The following NEMP2 variants were observed in gnomAD, a reference collection of about 807,000 sequenced individuals.
NEMP2 encodes nuclear envelope integral membrane protein 2, also known as UPF0571 transmembrane protein.
In NEMP2, 53 loss-of-function variants were observed where a neutral mutation model predicts 54.2. That is an observed-to-expected ratio of 0.98 (90% confidence interval 0.78 to 1.23). NEMP2 has a LOEUF of 1.23. Ranked by LOEUF, NEMP2 falls within the 50% of genes most tolerant of loss-of-function variation. NEMP2 has a pLI of 0.00. For synonymous variants in NEMP2, 197 were observed against 190.3 expected (o/e 1.04, Z -0.29); for missense variants, 455 against 511.3 (o/e 0.89, Z 1.06).
chr2:190,633,650 A>G, the NEMP2 span, among the ~76,000 whole-genome samples: 5 of 152,162 alleles, frequency 3.3e-5, no homozygotes, highest in African/African-American at 9.7e-5. Context: ...CAACTGGTAC[A>G]ATGCCTTCCT....
At chr2:190,502,947 T>C (rs1690085794), downstream of NEMP2, among the ~76,000 whole-genome samples, 1 of 152,192 alleles carries the variant, frequency 6.6e-6, no homozygotes, top group South Asian at 2.1e-4. This position sits in a 1 kb window ranked among gnomAD's most constrained non-coding sequence, Gnocchi z 4.4. Flanking sequence ...CAAATCTTCC[T>C]AATGTCAAAG....
At chr2:190,464,879 T>C in the NEMP2 span, 455 of 978,902 alleles carry the variant, frequency 4.6e-4, no homozygotes, top group Middle Eastern at 5.2e-4. Context: ...GCAAAATTTA[T>C]GTTCACTGTG....
At chr2:190,585,173 A>G in the NEMP2 span, among the ~76,000 whole-genome samples, 4 of 152,242 alleles carry the variant, frequency 2.6e-5, no homozygotes, top group Non-Finnish European at 2.9e-5. The surrounding 1 kb of genome is among the most constrained non-coding windows in gnomAD (Gnocchi z 5.3). Context: ...CTAGCAGCTC[A>G]TATGAATCTA....
chr2:190,439,295 A>G, the NEMP2 span, among the ~76,000 whole-genome samples: 1 of 152,166 alleles, frequency 6.6e-6, no homozygotes, highest in Non-Finnish European at 1.5e-5. This position sits in a 1 kb window ranked among gnomAD's most constrained non-coding sequence, Gnocchi z 5.8. Context: ...TAATAAGTCA[A>G]TAGCATGAGT....
chr2:190,546,974 C>T, the NEMP2 span, among the ~76,000 whole-genome samples: 2 of 152,154 alleles, frequency 1.3e-5, no homozygotes, highest in African/African-American at 2.4e-5. The surrounding 1 kb of genome is among the most constrained non-coding windows in gnomAD (Gnocchi z 5.1). Context: ...TGAAAAAGGC[C>T]GTCCTTGCTG....
chr2:190,595,222 C>T, the NEMP2 span, among the ~76,000 whole-genome samples: 19 of 151,940 alleles, frequency 1.3e-4, no homozygotes, highest in East Asian at 2.7e-3. This position sits in a 1 kb window ranked among gnomAD's most constrained non-coding sequence, Gnocchi z 4.0. Flanking sequence ...TGAAAATGGA[C>T]CCCTTCCTTA....
chr2:190,422,781 C>T, the NEMP2 span, among the ~76,000 whole-genome samples: 1 of 152,136 alleles, frequency 6.6e-6, no homozygotes, highest in African/African-American at 2.4e-5. Context: ...TTAAAGTTTT[C>T]TTCCCTTAAT....
chr2:190,511,759 T>C (rs1690374648), intron 7 of NEMP2, among the ~76,000 whole-genome samples: 1 of 151,174 alleles, frequency 6.6e-6, no homozygotes, highest in Admixed American at 6.6e-5. Context: ...TTTCACCATG[T>C]TGGTCAGGCT....
At chr2:190,431,095 A>G in the NEMP2 span, among the ~76,000 whole-genome samples, 1 of 143,204 alleles carries the variant, frequency 7.0e-6, no homozygotes, top group Non-Finnish European at 1.5e-5. The surrounding 1 kb of genome is among the most constrained non-coding windows in gnomAD (Gnocchi z 4.4). Context: ...GGCGCTCCTC[A>G]CATCCCAGAC....
chr2:190,474,738 C>G, the NEMP2 span, among the ~76,000 whole-genome samples: 37 of 152,298 alleles, frequency 2.4e-4, no homozygotes, highest in African/African-American at 8.4e-4. Context: ...CATCCTGATA[C>G]CAAAGCCTGG....
chr2:190,429,227 CGTGTGTGTGT>C, the NEMP2 span, among the ~76,000 whole-genome samples: 1 of 148,812 alleles, frequency 6.7e-6, no homozygotes, highest in Non-Finnish European at 1.5e-5. Context: ...TCTTTTGTTA[CGTGTGTGTGT>C]GTGTGTGTGT....
At chr2:190,588,615 G>A in the NEMP2 span, among the ~76,000 whole-genome samples, 1 of 152,156 alleles carries the variant, frequency 6.6e-6, no homozygotes, top group African/African-American at 2.4e-5. This position sits in a 1 kb window ranked among gnomAD's most constrained non-coding sequence, Gnocchi z 5.0. Context: ...TGACCTTGTG[G>A]ATGGGGTCCT....
chr2:190,566,416 T>A, the NEMP2 span, among the ~76,000 whole-genome samples: 1 of 152,066 alleles, frequency 6.6e-6, no homozygotes, highest in Admixed American at 6.6e-5. Context: ...CCCAGGAGTT[T>A]GAGACCAGCC....
chr2:190,499,272 T>C, the NEMP2 span, among the ~76,000 whole-genome samples: 164 of 152,358 alleles, frequency 1.1e-3, 1 homozygote, highest in African/African-American at 3.8e-3. The surrounding 1 kb of genome is among the most constrained non-coding windows in gnomAD (Gnocchi z 6.0). Context: ...TTTTCTTTCA[T>C]TGTAGAATCA....
chr2:190,477,414 A>G, the NEMP2 span: 1 of 931,538 alleles, frequency 1.1e-6, no homozygotes, highest in Non-Finnish European at 1.3e-6. Flanking sequence ...TATATATTAT[A>G]ATAATACATG....
At chr2:190,587,121 C>T in the NEMP2 span, among the ~76,000 whole-genome samples, 6 of 152,148 alleles carry the variant, frequency 3.9e-5, no homozygotes, top group African/African-American at 1.2e-4. This position sits in a 1 kb window ranked among gnomAD's most constrained non-coding sequence, Gnocchi z 5.4. Flanking sequence ...CTGTCCTGAT[C>T]GAGACACTTT....
chr2:190,475,062 T>C, the NEMP2 span, among the ~76,000 whole-genome samples: 1 of 152,094 alleles, frequency 6.6e-6, no homozygotes, highest in South Asian at 2.1e-4. Context: ...ATGGGACATA[T>C]CTCAAAATAA....
At chr2:190,621,823 T>C in the NEMP2 span, among the ~76,000 whole-genome samples, 1 of 152,162 alleles carries the variant, frequency 6.6e-6, no homozygotes, top group East Asian at 1.9e-4. Context: ...TAAATACTTC[T>C]GAGGGCTGGG....
chr2:190,581,256 C>T, the NEMP2 span, among the ~76,000 whole-genome samples: 2 of 152,144 alleles, frequency 1.3e-5, no homozygotes, highest in Non-Finnish European at 2.9e-5. Flanking sequence ...TAATCCATTA[C>T]TGAAAATCAG....
Sources: gnomAD v4.1 joint callset for allele counts (sites outside exome capture counted in the v4.1 genomes callset) on GRCh38, gnomAD v4.1.1 for gene constraint, Gnocchi (gnomAD v3.1) non-coding constraint, MANE v1.5 for transcripts, NCBI Gene and HGNC (gene_info 2026-07-23, HGNC 2026-07-21) for gene names.